Variants in TRIM24 observed in about 807,000 individuals in gnomAD.
TRIM24 encodes the protein transcription intermediary factor 1-alpha.
A neutral mutation model predicts 123.9 loss-of-function variants in TRIM24; 29 were observed. The observed-to-expected ratio is 0.23, with a 90% CI of 0.17 to 0.32. TRIM24 has a LOEUF of 0.32. TRIM24 is among the 10% of genes least tolerant of loss of function. TRIM24 has a pLI of 1.00. For synonymous variants in TRIM24, 456 were observed against 461.1 expected (o/e 0.99, Z 0.14); for missense variants, 932 against 1,295.3 (o/e 0.72, Z 4.31).
chr7:138,460,716 C>G lies in TRIM24; in HGVS notation c.168C>G (p.Cys56Trp). 1 of 1,570,516 alleles carries G rather than the reference C, an allele frequency of 6.4e-7. No individual in the cohort carries two copies. The highest frequency in any genetic ancestry group is 8.6e-7 in the Non-Finnish European group (1 of 1,162,076). ...EAARLNLLDT[C>W]AVCHQNIQSR... ...CCCGGCTCAACCTGTTGGACACTTG[C>G]GCCGTGTGCCACCAGAACATCCAGA... is the stretch of plus-strand genomic sequence containing the variant. Residue 56 changes from cysteine (C) to tryptophan (W), a missense_variant, in exon 1 of 19, where the codon TGC becomes TGG. Coordinates refer to ENST00000343526, the MANE Select transcript of TRIM24 (RefSeq NM_015905.3).
At chr7:138,498,663 C>T (rs1333519746) in intron 1 of TRIM24, among the ~76,000 whole-genome samples, 3 of 149,308 alleles carry the variant, frequency 2.0e-5, no homozygotes, top group South Asian at 2.1e-4. Context: ...CTTTTTTTTC[C>T]GAGACGGAGT....
At position 138,580,471 on chromosome 7, in the gene TRIM24, A is replaced by G. The variant is rs79203220; in HGVS notation, c.2586-91A>G. 43 of 1,470,540 alleles carry G rather than the reference A, an allele frequency of 2.9e-5. No homozygotes were observed. The East Asian group carries it at 8.7e-4, about 30-fold the overall frequency. The allele number at this position is 1,470,540 out of a possible 1,614,324, so 91.1% of individuals were successfully genotyped here. On this transcript the variant is annotated intron_variant, in intron 15 of 18. Transcript: ENST00000343526. ...ATTCATGCCAAATGAACAATTCTGT[A>G]TCATAGATGTCATGGAGGAGGTGGG...
At chr7:138,537,396 T>TTG (rs1796911657) in intron 6 of TRIM24, among the ~76,000 whole-genome samples, 1 of 142,102 alleles carries the variant, frequency 7.0e-6, no homozygotes, top group Non-Finnish European at 1.5e-5. Flanking sequence ...TTTTTTTTTT[T>TTG]TTTTTTTTTT....
At chr7:138,574,925 T>C (rs1463266872) in intron 12 of TRIM24, among the ~76,000 whole-genome samples, 1 of 152,186 alleles carries the variant, frequency 6.6e-6, no homozygotes, top group African/African-American at 2.4e-5. Context: ...AGGCAGATCG[T>C]ATTTATTAAT....
At chr7:138,531,233 T>C (rs1244359657) in intron 6 of TRIM24, among the ~76,000 whole-genome samples, 2 of 146,946 alleles carry the variant, frequency 1.4e-5, no homozygotes, top group African/African-American at 2.7e-5. Flanking sequence ...TACGTATACA[T>C]GTTACACGTT....
chr7:138,473,670 C>A (rs1321682705), intron 1 of TRIM24, among the ~76,000 whole-genome samples: 1 of 152,214 alleles, frequency 6.6e-6, no homozygotes, highest in African/African-American at 2.4e-5. Context: ...TCACTGTATG[C>A]TTACTAGTTG....
Position 138,508,700 on chromosome 7 carries a change from C to CGTGTGT in TRIM24, c.483+4294_483+4299dup, listed in dbSNP as rs1554436660. ...GTGTGTGTGTGTGTGTGTGCGCGCG[C>CGTGTGT]GTGTGTGCGTGTGTGTGTGCGTGTG... On this transcript the variant is annotated intron_variant, in intron 2 of 18. Coordinates refer to ENST00000343526, the MANE Select transcript of TRIM24 (RefSeq NM_015905.3). 1.7e-3 allele frequency among the ~76,000 whole-genome samples: 59 copies of CGTGTGT among 35,570 alleles called. 1 individual carries two copies. Among genetic ancestry groups the CGTGTGT allele is most frequent in the African/African-American group, 4.0e-3 (55 of 13,834 alleles). 23.3% of individuals were successfully genotyped at this position (35,570 alleles called of 152,430 possible).
chr7:138,500,644 C>CA (rs1796017630), intron 1 of TRIM24, among the ~76,000 whole-genome samples: 1 of 150,102 alleles, frequency 6.7e-6, no homozygotes, highest in Non-Finnish European at 1.5e-5. Context: ...GAGGCCAAGG[C>CA]AGGAGGATCC....
chr7:138,480,588 C>T (rs746897298), intron 1 of TRIM24, among the ~76,000 whole-genome samples: 20 of 152,070 alleles, frequency 1.3e-4, no homozygotes, highest in East Asian at 5.8e-4. Context: ...TCCTGCTGTT[C>T]GTATATGTGA....
At chr7:138,555,482 ATT>A (rs1203577540) in intron 9 of TRIM24, among the ~76,000 whole-genome samples, 7,393 of 138,290 alleles carry the variant, frequency 0.053, 161 homozygotes, top group Middle Eastern at 0.092. Flanking sequence ...CTATAATCCA[ATT>A]TTTTTTTTTT....
At chr7:138,580,782 TTTTA>T in intron 16 of TRIM24, 88 bp downstream of exon 16, 1 of 1,215,168 alleles carries the variant, frequency 8.2e-7, no homozygotes, top group African/African-American at 1.5e-5. Flanking sequence ...TCCATCCAGA[TTTTA>T]TACTGATCCT....
intron 9 of TRIM24, among the ~76,000 whole-genome samples, chr7:138,555,866 C>T (rs987466493): frequency 4.6e-5 from 7 of 152,074 alleles, no homozygotes; most frequent in Non-Finnish European, 8.8e-5. Flanking sequence ...AGGAGGGGGG[C>T]GGAAATCACC....
At chr7:138,511,606 A>G (rs1309149158) in intron 2 of TRIM24, among the ~76,000 whole-genome samples, 1 of 152,112 alleles carries the variant, frequency 6.6e-6, no homozygotes, top group African/African-American at 2.4e-5. Flanking sequence ...CACACTTTTA[A>G]ATGAACACAT....
At chr7:138,460,940 G>A (rs1272881032) in intron 1 of TRIM24, 28 bp downstream of exon 1, 3 of 1,404,172 alleles carry the variant, frequency 2.1e-6, no homozygotes, top group South Asian at 1.5e-5. Context: ...CCGCTGGGGA[G>A]CCCGGGGAGA....
At chr7:138,463,159 G>A (rs1325380393) in intron 1 of TRIM24, among the ~76,000 whole-genome samples, 1 of 149,038 alleles carries the variant, frequency 6.7e-6, no homozygotes, top group Non-Finnish European at 1.5e-5. Flanking sequence ...CAAAGTGCTG[G>A]GATTACAAGT....
At chr7:138,463,408 T>C (rs1403755793) in intron 1 of TRIM24, among the ~76,000 whole-genome samples, 1 of 151,944 alleles carries the variant, frequency 6.6e-6, no homozygotes, top group Non-Finnish European at 1.5e-5. Context: ...TTGTGTTTTG[T>C]TTTAGTAGAG....
chr7:138,503,692 T>A (rs1033213993), intron 1 of TRIM24, among the ~76,000 whole-genome samples: 1 of 152,110 alleles, frequency 6.6e-6, no homozygotes, highest in African/African-American at 2.4e-5. Context: ...TTGTTACATA[T>A]GTATACATGT....
At chr7:138,519,165 CTT>C in intron 3 of TRIM24, 22 bp from the exon 4 acceptor site, 1 of 1,613,778 alleles carries the variant, frequency 6.2e-7, no homozygotes, top group Non-Finnish European at 8.5e-7. Context: ...ATTTTCTTCT[CTT>C]TGTCTCCCAT....
At chr7:138,493,421 A>G (rs1291803776) in intron 1 of TRIM24, among the ~76,000 whole-genome samples, 2 of 152,212 alleles carry the variant, frequency 1.3e-5, no homozygotes, top group African/African-American at 2.4e-5. Context: ...AAAGTTGTCT[A>G]TTAGTATAGT....
Sources: allele counts gnomAD v4.1 joint callset (sites outside exome capture counted in the v4.1 genomes callset), GRCh38; gene constraint gnomAD v4.1.1; transcripts MANE v1.5; gene names NCBI Gene and HGNC (gene_info 2026-07-23, HGNC 2026-07-21).